Variants in CALN1 observed in about 807,000 individuals in gnomAD.
The protein encoded by CALN1 is calneuron 1, also known as calcium-binding protein 8.
In CALN1, 17 loss-of-function variants were observed where a neutral mutation model predicts 30.6. The observed-to-expected ratio is 0.56, with a 90% CI of 0.38 to 0.83. The LOEUF (loss-of-function observed/expected upper bound fraction) is 0.83, where lower values mean the gene tolerates loss of function less well. CALN1 is among the 40% of genes least tolerant of loss of function. The probability of loss-of-function intolerance (pLI) is 0.00; values close to 1 mark genes in which losing one functional copy is unlikely to be tolerated. For synonymous variants in CALN1, 156 were observed against 131.4 expected, an observed-to-expected ratio of 1.19 and a Z score of -1.28; for missense variants, 291 against 354.9, an observed-to-expected ratio of 0.82 and a Z score of 1.45.
chr7:72,141,570 C>T (rs776884603), intron 3 of CALN1, among the ~76,000 whole-genome samples: 14 of 152,026 alleles, frequency 9.2e-5, no homozygotes, highest in Non-Finnish European at 1.9e-4. Flanking sequence ...ATGCTAACAT[C>T]ACCATTTTTT....
In CALN1 at chr7:71,785,726, C is replaced by T. The variant is rs12699086; in HGVS notation, c.*2049G>A. 0.033 allele frequency: 4,974 copies of T among 152,316 alleles called. 113 individuals carry two copies. Among genetic ancestry groups the T allele is most frequent in the Non-Finnish European group, 0.056 (3,828 of 68,052 alleles). The allele number at this position is 152,316 out of a possible 1,614,324, so 9.4% of individuals were successfully genotyped here. On this transcript the variant is annotated 3_prime_UTR_variant, in exon 7 of 7. Coordinates refer to ENST00000395275, the MANE Select transcript of CALN1 (RefSeq NM_031468.4). ...GGCAGAGATTAAGGATGAAGTTGTT[C>T]GATGTATTAATATTCTGCATTTGGA...
chr7:71,806,729 C>CA (rs1258675203), intron 6 of CALN1, among the ~76,000 whole-genome samples: 3 of 152,116 alleles, frequency 2.0e-5, no homozygotes, highest in Non-Finnish European at 4.4e-5. Flanking sequence ...GACCCCCCCC[C>CA]AGGGAGCTGA....
At chr7:72,111,848 T>G (rs1218858957) in intron 3 of CALN1, among the ~76,000 whole-genome samples, 1 of 152,052 alleles carries the variant, frequency 6.6e-6, no homozygotes, top group Non-Finnish European at 1.5e-5. Context: ...CCTCCCTGGT[T>G]CAAGCAATTT....
Position 72,190,340 on chromosome 7 carries a change from G to A in CALN1, c.245-84046C>T, listed in dbSNP as rs560171403. The stretch of plus-strand genomic sequence containing the variant: ...CACTCCAGCCTGGGTGACAGAGCAA[G>A]ACTCCGTCTCAAATAACAAGAAAAA... On this transcript the variant is annotated intron_variant, in intron 3 of 6. Coordinates refer to ENST00000395275, the MANE Select transcript of CALN1 (RefSeq NM_031468.4). Among the ~76,000 whole-genome samples, 9 of 152,332 alleles carry A rather than the reference G, an allele frequency of 5.9e-5. No homozygotes were observed. The South Asian group carries it at 1.9e-3, about 32-fold the overall frequency.
chr7:72,300,763 G>A (rs1799203482), intron 2 of CALN1, among the ~76,000 whole-genome samples: 1 of 152,072 alleles, frequency 6.6e-6, no homozygotes, highest in African/African-American at 2.4e-5. Flanking sequence ...AGGCCAAGAG[G>A]GGGCAGATCA....
At chr7:72,374,822 T>C (rs77542775) in intron 2 of CALN1, among the ~76,000 whole-genome samples, 8,044 of 152,250 alleles carry the variant, frequency 0.053, 263 homozygotes, top group South Asian at 0.1. Context: ...TTGAAATTAT[T>C]ACCACATATT....
chr7:72,329,292 G>C (rs1052549967), intron 2 of CALN1, among the ~76,000 whole-genome samples: 1 of 152,204 alleles, frequency 6.6e-6, no homozygotes, highest in Non-Finnish European at 1.5e-5. Context: ...TTTACACTCT[G>C]ATGGATAAAG....
At chr7:72,039,912 C>T (rs1428971027) in intron 4 of CALN1, among the ~76,000 whole-genome samples, 1 of 152,168 alleles carries the variant, frequency 6.6e-6, no homozygotes, top group Admixed American at 6.5e-5. Flanking sequence ...AGCCAGCCCT[C>T]TCCTGCTCTG....
At chr7:72,364,030 C>T (rs937490572) in intron 2 of CALN1, among the ~76,000 whole-genome samples, 1 of 150,534 alleles carries the variant, frequency 6.6e-6, no homozygotes, top group Non-Finnish European at 1.5e-5. Context: ...CCACGGTGCC[C>T]GGCACAAAAT....
the CALN1 span, among the ~76,000 whole-genome samples, chr7:72,504,064 A>G: frequency 6.6e-6 from 1 of 152,208 alleles, no homozygotes; most frequent in African/African-American, 2.4e-5. Context: ...AAACTGCTCT[A>G]TCCCGACTTT....
intron 5 of CALN1, among the ~76,000 whole-genome samples, chr7:71,904,231 T>G (rs1794010453): frequency 6.6e-6 from 1 of 152,198 alleles, no homozygotes; most frequent in East Asian, 1.9e-4. Flanking sequence ...ATCAGTACAC[T>G]GAAGAGAATC....
chr7:72,184,717 GGGGCCTCAGGAA>G (rs1407620054), intron 3 of CALN1, among the ~76,000 whole-genome samples: 1 of 152,110 alleles, frequency 6.6e-6, no homozygotes, highest in African/African-American at 2.4e-5. Flanking sequence ...GAGCTCCAAA[GGGGCCTCAGGAA>G]TTACCTGAGT....
At chr7:72,214,278 G>A (rs559347994) in intron 3 of CALN1, among the ~76,000 whole-genome samples, 1 of 152,300 alleles carries the variant, frequency 6.6e-6, no homozygotes, top group African/African-American at 2.4e-5. Context: ...TCAGGAGTTT[G>A]ACACCAGCCT....
chr7:72,399,140 G>A (rs1256522946), intron 2 of CALN1, among the ~76,000 whole-genome samples: 1 of 152,144 alleles, frequency 6.6e-6, no homozygotes, highest in African/African-American at 2.4e-5. Context: ...GACAGGAGCG[G>A]ACAATCTAGG....
intron 4 of CALN1, among the ~76,000 whole-genome samples, chr7:72,053,787 C>T (rs538479642): frequency 6.2e-4 from 93 of 150,774 alleles, no homozygotes; most frequent in Non-Finnish European, 1.6e-4. Context: ...TCCCTCACCC[C>T]CCTCCCACCC....
chr7:72,206,181 T>C (rs1323356211), intron 3 of CALN1, among the ~76,000 whole-genome samples: 1 of 152,234 alleles, frequency 6.6e-6, no homozygotes, highest in Non-Finnish European at 1.5e-5. Context: ...AAACATTTTG[T>C]CACATTCCCC....
intron 2 of CALN1, among the ~76,000 whole-genome samples, chr7:72,359,521 T>C (rs777637481): frequency 1.3e-5 from 2 of 152,174 alleles, no homozygotes; most frequent in Non-Finnish European, 2.9e-5. Flanking sequence ...CATGTACATA[T>C]AGTGAGGTAT....
intron 3 of CALN1, among the ~76,000 whole-genome samples, chr7:72,222,127 G>A (rs1793349634): frequency 6.6e-6 from 1 of 152,042 alleles, no homozygotes; most frequent in South Asian, 2.1e-4. Context: ...TTGGGAGGCT[G>A]AGGCAGGAGC....
chr7:72,402,404 A>C (rs1806399929), intron 2 of CALN1, among the ~76,000 whole-genome samples: 2 of 152,074 alleles, frequency 1.3e-5, no homozygotes, highest in Non-Finnish European at 2.9e-5. Flanking sequence ...CACTGCCCCC[A>C]CCATATACAC....
Sources: allele counts gnomAD v4.1 joint callset (sites outside exome capture counted in the v4.1 genomes callset), GRCh38; gene constraint gnomAD v4.1.1; transcripts MANE v1.5; gene names NCBI Gene and HGNC (gene_info 2026-07-23, HGNC 2026-07-21).